HK1: variants seen among roughly 807,000 people sequenced by gnomAD.
HK1 encodes the protein hexokinase 1.
HK1 carries 28 observed loss-of-function variants against 91.6 expected under a neutral mutation model. The observed-to-expected ratio is 0.31, with a 90% CI of 0.23 to 0.42. The LOEUF (loss-of-function observed/expected upper bound fraction) is 0.42, where lower values mean the gene tolerates loss of function less well. HK1 is among the 10% of genes least tolerant of loss of function. HK1 has a pLI of 1.00. For missense variants in HK1, 770 were observed against 1,219.8 expected (o/e 0.63, Z 5.49); for synonymous variants, 430 against 468.1 (o/e 0.92, Z 1.05).
chr10:69,372,526 T>C (rs1275707683), intron 7 of HK1, among the ~76,000 whole-genome samples: 2 of 152,164 alleles, frequency 1.3e-5, no homozygotes, highest in Non-Finnish European at 1.5e-5. Flanking sequence ...GTTTGCTCCA[T>C]TTGACTGATG....
intron 5 of HK1, among the ~76,000 whole-genome samples, chr10:69,302,240 T>G (rs1486888294): frequency 6.9e-6 from 1 of 145,550 alleles, no homozygotes; most frequent in Admixed American, 7.0e-5. Flanking sequence ...AGAGCAAAAC[T>G]CCATCTCAAA....
intron 16 of HK1, 128 bp from the exon 17 acceptor site, chr10:69,398,467 C>G: frequency 1.3e-6 from 1 of 744,632 alleles, no homozygotes; most frequent in Non-Finnish European, 2.4e-6. Context: ...TAACATGTAA[C>G]ACTTGCCCTT....
upstream of HK1, chr10:69,318,732 A>G: frequency 2.4e-6 from 2 of 844,438 alleles, no homozygotes. Flanking sequence ...ATGGGCGTGG[A>G]GGAGGTGGGT....
rs185032376 is a variant in HK1 at position 69,393,939 on chromosome 10, C to T, written c.2220-1011C>T. On this transcript the variant is annotated intron_variant, in intron 15 of 17. Coordinates refer to ENST00000359426, the MANE Select transcript of HK1 (RefSeq NM_000188.3). The stretch of plus-strand genomic sequence containing the variant: ...TAGTAAGACCCCCTTGGTTAAAAAG[C>T]GGGGGGATCAGCAAGTGTTGGAAGG... 1.6e-3 allele frequency among the ~76,000 whole-genome samples: 243 copies of T among 152,242 alleles called. 1 individual carries two copies. Among genetic ancestry groups the T allele is most frequent in the African/African-American group, 5.1e-3 (211 of 41,538 alleles).
chr10:69,326,280 T>C (rs987447422), intron 1 of HK1, among the ~76,000 whole-genome samples: 1 of 152,098 alleles, frequency 6.6e-6, no homozygotes, highest in Non-Finnish European at 1.5e-5. Flanking sequence ...TGTGTAGGTG[T>C]GTGTATGCTT....
At chr10:69,360,522 G>A (rs945812760) in intron 3 of HK1, among the ~76,000 whole-genome samples, 1 of 152,212 alleles carries the variant, frequency 6.6e-6, no homozygotes, top group African/African-American at 2.4e-5. Flanking sequence ...GCTATTTGGG[G>A]GCTTCTTGTT....
At chr10:69,296,594 G>A (rs961092223) in intron 4 of HK1, among the ~76,000 whole-genome samples, 71 of 152,168 alleles carry the variant, frequency 4.7e-4, no homozygotes, top group African/African-American at 1.6e-3. Flanking sequence ...GGTCAACCCC[G>A]TCTTGGGTCC....
At position 69,379,846 on chromosome 10, in the gene HK1, G is replaced by C. The variant is rs1258799557; in HGVS notation, c.1032-16G>C. ...TGTGGTCCTCAGTGCATCAGTATTG[G>C]CTTCTAACTTCACAGGAATAAGGAA... is the stretch of plus-strand genomic sequence containing the variant. On this transcript the variant is annotated splice_polypyrimidine_tract_variant and intron_variant, in intron 8 of 17. Transcript: ENST00000359426. 1.3e-6 allele frequency: 2 copies of C among 1,576,944 alleles called. No individual in the cohort carries two copies. Among genetic ancestry groups the C allele is most frequent in the South Asian group, 2.2e-5 (2 of 90,274 alleles).
intron 1 of HK1, among the ~76,000 whole-genome samples, chr10:69,328,628 A>G (rs1315803789): frequency 6.6e-6 from 1 of 152,138 alleles, no homozygotes; most frequent in African/African-American, 2.4e-5. Flanking sequence ...TCCTGCTTTT[A>G]TTATTTTCTC....
chr10:69,360,966 C>T (rs1347117854), intron 3 of HK1, among the ~76,000 whole-genome samples: 1 of 152,324 alleles, frequency 6.6e-6, no homozygotes, highest in Admixed American at 6.5e-5. Context: ...GTGTGCTCAC[C>T]GCAAGGTTCA....
chr10:69,343,517 T>C (rs1848394149), intron 1 of HK1, among the ~76,000 whole-genome samples: 1 of 152,186 alleles, frequency 6.6e-6, no homozygotes, highest in Non-Finnish European at 1.5e-5. Context: ...GAGGTGTTCC[T>C]GATACTGGAG....
rs368869883 is a variant in HK1 at position 69,294,779 on chromosome 10, T to C, written c.-114-854T>C. Among the ~76,000 whole-genome samples, 66 of 152,160 alleles carry C rather than the reference T, an allele frequency of 4.3e-4. No individual in the cohort carries two copies. In the South Asian group the frequency reaches 0.013, roughly 31 times the overall value. The stretch of plus-strand genomic sequence containing the variant: ...CAGAAGGCTGAGGCAAGAGAATCGC[T>C]TGAACCTGGGAGGCAGAGGTTGCAG... On this transcript the variant is annotated intron_variant, in intron 3 of 21. Transcript: ENST00000360289.
intron 2 of HK1, among the ~76,000 whole-genome samples, chr10:69,346,609 C>T (rs542459244): frequency 1.3e-5 from 2 of 151,540 alleles, no homozygotes; most frequent in Non-Finnish European, 2.9e-5. Flanking sequence ...TAGGCTCAGG[C>T]GATCCTCCCA....
At position 69,318,958 on chromosome 10, in the gene HK1, C is replaced by A; in HGVS notation, c.11C>A (p.Ala4Glu). The A allele has an allele frequency of 6.3e-7, 1 of 1,598,444 alleles. No homozygotes were observed. The highest frequency in any genetic ancestry group is 8.5e-7 in the Non-Finnish European group (1 of 1,173,642). MIA[A>E]QLLAYYFTEL... ...ACCCCGACCGCCAGCATGATCGCCG[C>A]GCAGCTCCTGGCCTATTACTTCACG... is the stretch of plus-strand genomic sequence containing the variant. The change falls in exon 1 of 18, where the codon GCG (alanine) becomes GAG (glutamate). Residue 4 changes from alanine to glutamate, a missense_variant. By Grantham distance (107) the Ala-to-Glu change is moderately radical. This residue lies in a region of HK1 where 449 missense variants were observed against 665.1 expected (regional missense o/e 0.68). Transcript: ENST00000359426.
At chr10:69,298,786 C>A (rs1845701829) in intron 4 of HK1, among the ~76,000 whole-genome samples, 1 of 151,754 alleles carries the variant, frequency 6.6e-6, no homozygotes, top group African/African-American at 2.4e-5. Flanking sequence ...CCAAGTCAGT[C>A]AAAAAATTAA....
At position 69,360,059 on chromosome 10, in the gene HK1, C is replaced by T. The variant is rs369677654; in HGVS notation, c.375+14C>T. On this transcript the variant is annotated intron_variant, in intron 3 of 17. Transcript: ENST00000359426. ...AGTGGAAGCCAGGTGGGTCCCTGCT[C>T]CCTCCGGGTCACCCCGTCGGGCCAG... The T allele has an allele frequency of 2.5e-6, 4 of 1,613,104 alleles. No homozygotes were observed. The highest frequency in any genetic ancestry group is 2.2e-5 in the East Asian group (1 of 44,872).
chr10:69,341,497 C>T (rs886070145), intron 1 of HK1, among the ~76,000 whole-genome samples: 8 of 151,280 alleles, frequency 5.3e-5, no homozygotes, highest in Non-Finnish European at 1.2e-4. Context: ...GACAGTCTCA[C>T]TCTGTCACTT....
chr10:69,334,535 G>A (rs1847883252), intron 1 of HK1, among the ~76,000 whole-genome samples: 1 of 152,198 alleles, frequency 6.6e-6, no homozygotes, highest in Non-Finnish European at 1.5e-5. Flanking sequence ...GCTGCCGGGG[G>A]AGAAGGGCTG....
At chr10:69,390,958 A>C (rs1020710876) in intron 14 of HK1, among the ~76,000 whole-genome samples, 1 of 152,246 alleles carries the variant, frequency 6.6e-6, no homozygotes, top group Non-Finnish European at 1.5e-5. Flanking sequence ...CATGGCAATT[A>C]AAATTGCTGT....
Sources: gnomAD v4.1 joint callset for allele counts (sites outside exome capture counted in the v4.1 genomes callset) on GRCh38, gnomAD v4.1.1 for gene constraint, gnomAD v4.1.1 regional missense constraint, MANE v1.5 for transcripts, NCBI Gene and HGNC (gene_info 2026-07-23, HGNC 2026-07-21) for gene names.